Variants in ONECUT1 observed in about 807,000 individuals in gnomAD.
ONECUT1 encodes the protein one cut homeobox 1, also known as hepatocyte nuclear factor 6.
ONECUT1 carries 12 observed loss-of-function variants against 25.6 expected under a neutral mutation model. The observed-to-expected ratio is 0.47, with a 90% CI of 0.30 to 0.76. ONECUT1 has a LOEUF of 0.76. Ranked by LOEUF, ONECUT1 falls within the 30% of genes least tolerant of loss-of-function variation. ONECUT1 has a pLI of 0.07. For missense variants in ONECUT1, 620 were observed against 651.2 expected, an observed-to-expected ratio of 0.95 and a Z score of 0.52; for synonymous variants, 285 against 270.2, an observed-to-expected ratio of 1.05 and a Z score of -0.54.
At chr15:52,779,488 A>G (rs542643667) in intron 1 of ONECUT1, among the ~76,000 whole-genome samples, 5 of 152,322 alleles carry the variant, frequency 3.3e-5, no homozygotes, top group Admixed American at 1.3e-4. Flanking sequence ...ATTCGATGGG[A>G]TAAAGAAACC....
rs1038921696 is a variant in ONECUT1, at chr15:52,760,074, C to T, written c.1106-2227G>A. Among the ~76,000 whole-genome samples, 4 of 152,274 alleles carry T rather than the reference C, an allele frequency of 2.6e-5. No homozygotes were observed. In the East Asian group the frequency reaches 5.8e-4, roughly 22 times the overall value. ...TCAGAATGGACATGAAGGGAGGGCT[C>T]AGTCATGAAAGAGAGATTTGTAGGC... On this transcript the variant is annotated intron_variant, in intron 1 of 1. Coordinates refer to ENST00000305901, the MANE Select transcript of ONECUT1 (RefSeq NM_004498.4).
At position 52,757,497 on chromosome 15, in the gene ONECUT1, T is replaced by TA; in HGVS notation, c.*57dup. 1 of 1,536,486 alleles carries TA rather than the reference T, an allele frequency of 6.5e-7. No individual in the cohort carries two copies. The highest frequency in any genetic ancestry group is 1.3e-5 in the South Asian group (1 of 77,184). On this transcript the variant is annotated 3_prime_UTR_variant, in exon 2 of 2. Transcript: ENST00000305901. The stretch of plus-strand genomic sequence containing the variant: ...CTGCTATCTTGAGGTCCTGGTCTTT[T>TA]AAAAATTTTTTTTAATTTAAAGCTT...
rs1160739236 is a variant in ONECUT1, at chr15:52,784,168, G to C, written c.1105+4612C>G. On this transcript the variant is annotated intron_variant, in intron 1 of 1. Transcript: ENST00000305901. This position sits in a 1 kb window ranked among gnomAD's most constrained non-coding sequence, Gnocchi z 5.0. ...AATGGAGGGAAGCAGGGAGCGCGGAGGGCTCGAGGCTTGCAGATAAGGAGA... is the reference window on the plus strand; with the variant it reads ...AATGGAGGGAAGCAGGGAGCGCGGACGGCTCGAGGCTTGCAGATAAGGAGA... Among the ~76,000 whole-genome samples the C allele has an allele frequency of 1.3e-5, 2 of 152,202 alleles. No homozygotes were observed. The highest frequency in any genetic ancestry group is 2.9e-5 in the Non-Finnish European group (2 of 68,040).
chr15:52,785,257 T>C (rs911134632), intron 1 of ONECUT1, among the ~76,000 whole-genome samples: 2 of 152,248 alleles, frequency 1.3e-5, no homozygotes, highest in Admixed American at 6.5e-5. Flanking sequence ...AGGGGCCAGT[T>C]ATCAATCAAC....
chr15:52,757,153 G>A lies in ONECUT1; in HGVS notation c.*402C>T. ...AGCTCTGCCTAAGTCTGTAACCACT[G>A]GTGGTGGTAGTACTGAGACACCATA... On this transcript the variant is annotated 3_prime_UTR_variant, in exon 2 of 2. Coordinates refer to ENST00000305901, the MANE Select transcript of ONECUT1 (RefSeq NM_004498.4). 5.5e-6 allele frequency: 1 copy of A among 181,500 alleles called. No individual in the cohort carries two copies. The highest frequency in any genetic ancestry group is 1.2e-5 in the Non-Finnish European group (1 of 85,964). The allele number at this position is 181,500 out of a possible 1,614,324, so 11.2% of individuals were successfully genotyped here. A position where few individuals can be genotyped will look rare whatever the true frequency, so the allele number is the denominator to read the frequency against.
At chr15:52,769,048 C>A (rs577389880) in intron 1 of ONECUT1, among the ~76,000 whole-genome samples, 1 of 152,340 alleles carries the variant, frequency 6.6e-6, no homozygotes, top group Non-Finnish European at 1.5e-5. Flanking sequence ...ATCCCTACTA[C>A]TTTGCTCAAG....
At position 52,779,615 on chromosome 15, in the gene ONECUT1, C is replaced by G. The variant is rs141686254; in HGVS notation, c.1105+9165G>C. Among the ~76,000 whole-genome samples the G allele has an allele frequency of 2.0e-5, 3 of 152,176 alleles. No homozygotes were observed. In the East Asian group the frequency reaches 5.8e-4, roughly 29 times the overall value. ...CTTGTCCTTGGATCATTCCCCATAC[C>G]CACCAGGCAAATACTAGGTGCCTCC... On this transcript the variant is annotated intron_variant, in intron 1 of 1. Coordinates refer to ENST00000305901, the MANE Select transcript of ONECUT1 (RefSeq NM_004498.4).
chr15:52,780,968 C>G (rs2083837356), intron 1 of ONECUT1: 1 of 1,010,108 alleles, frequency 9.9e-7, no homozygotes, highest in Non-Finnish European at 1.2e-6. Context: ...AAGATGCCCT[C>G]TAGACAACTC....
At chr15:52,764,282 G>A (rs987096373) in intron 1 of ONECUT1, among the ~76,000 whole-genome samples, 4 of 152,214 alleles carry the variant, frequency 2.6e-5, no homozygotes, top group South Asian at 2.1e-4. Context: ...GCCCAGCTCC[G>A]TGGATATGCA....
chr15:52,783,717 G>C (rs2083855840), intron 1 of ONECUT1, among the ~76,000 whole-genome samples: 2 of 152,228 alleles, frequency 1.3e-5, no homozygotes, highest in South Asian at 4.1e-4. Context: ...TCCGACTTCG[G>C]ACCGCCAGGG....
At chr15:52,771,682 T>C (rs545064534) in intron 1 of ONECUT1, among the ~76,000 whole-genome samples, 1 of 152,250 alleles carries the variant, frequency 6.6e-6, no homozygotes, top group East Asian at 1.9e-4. Context: ...CCATAGGTTA[T>C]TGAGGTACAG....
chr15:52,783,728 T>A (rs975158898), intron 1 of ONECUT1, among the ~76,000 whole-genome samples: 2 of 152,146 alleles, frequency 1.3e-5, no homozygotes, highest in Admixed American at 1.3e-4. Flanking sequence ...ACCGCCAGGG[T>A]CACCTTCTCT....
intron 1 of ONECUT1, among the ~76,000 whole-genome samples, chr15:52,768,112 C>T (rs1428146983): frequency 1.3e-5 from 2 of 151,956 alleles, no homozygotes; most frequent in African/African-American, 4.8e-5. Context: ...ATGCATAAGA[C>T]CCAGTGTTAG....
Position 52,755,126 on chromosome 15 carries a change from A to G in ONECUT1, c.*2429T>C, listed in dbSNP as rs1361159929. ...AATTCTGCTATTCTTTTCTTGGGGT[A>G]TTGAATTTGGTAAGATTGTGTGTAG... On this transcript the variant is annotated 3_prime_UTR_variant, in exon 2 of 2. Coordinates refer to ENST00000305901, the MANE Select transcript of ONECUT1 (RefSeq NM_004498.4). Among the ~76,000 whole-genome samples, 3 of 151,528 alleles carry G rather than the reference A, an allele frequency of 2.0e-5. No homozygotes were observed. Among genetic ancestry groups the G allele is most frequent in the Non-Finnish European group, 4.4e-5 (3 of 67,924 alleles).
rs1016472590 is a variant in ONECUT1, at chr15:52,789,815, G to A, written c.70C>T (p.Pro24Ser). The A allele has an allele frequency of 4.6e-6, 7 of 1,522,876 alleles. No individual in the cohort carries two copies. Among genetic ancestry groups the A allele is most frequent in the Admixed American group, 2.1e-5 (1 of 48,002 alleles). 94.3% of individuals were successfully genotyped at this position (1,522,876 alleles called of 1,614,324 possible). ...HGVSHEPVPAPADLLGGSPHA... is the reference protein window; with the variant it reads ...HGVSHEPVPASADLLGGSPHA... The stretch of plus-strand genomic sequence containing the variant: ...GGGCTGCCGCCCAGCAGGTCGGCAG[G>A]GGCGGGCACCGGCTCATGGCTCACC... The change falls in exon 1 of 2, where the codon CCT (proline) becomes TCT (serine). Residue 24 changes from proline to serine, a missense_variant. Pro to Ser is a moderately conservative substitution (Grantham distance 74). Coordinates refer to ENST00000305901, the MANE Select transcript of ONECUT1 (RefSeq NM_004498.4). The surrounding 1 kb of genome is among the most constrained non-coding windows in gnomAD (Gnocchi z 4.1).
At chr15:52,777,531 C>G (rs1263809289) in intron 1 of ONECUT1, among the ~76,000 whole-genome samples, 2 of 152,124 alleles carry the variant, frequency 1.3e-5, no homozygotes, top group Admixed American at 6.6e-5. Context: ...CATAGTAATT[C>G]TGATCTAAGA....
At chr15:52,767,738 G>A (rs1385930544) in intron 1 of ONECUT1, among the ~76,000 whole-genome samples, 1 of 152,182 alleles carries the variant, frequency 6.6e-6, no homozygotes, top group East Asian at 1.9e-4. Context: ...TATCTGCACT[G>A]CCATGTTCAT....
At chr15:52,777,128 AC>A (rs1324344481) in intron 1 of ONECUT1, among the ~76,000 whole-genome samples, 1 of 152,212 alleles carries the variant, frequency 6.6e-6, no homozygotes, top group Non-Finnish European at 1.5e-5. Context: ...TTTTGAGTGA[AC>A]TTTTGATTTC....
At position 52,789,943 on chromosome 15, in the gene ONECUT1, A is replaced by G; in HGVS notation, c.-59T>C. 3 of 1,467,860 alleles carry G rather than the reference A, an allele frequency of 2.0e-6. No homozygotes were observed. Among genetic ancestry groups the G allele is most frequent in the Non-Finnish European group, 1.8e-6 (2 of 1,118,486 alleles). 90.9% of individuals were successfully genotyped at this position (1,467,860 alleles called of 1,614,324 possible). A position where few individuals can be genotyped will look rare whatever the true frequency, so the allele number is the denominator to read the frequency against. On this transcript the variant is annotated 5_prime_UTR_variant, in exon 1 of 2. Transcript: ENST00000305901. This position sits in a 1 kb window ranked among gnomAD's most constrained non-coding sequence, Gnocchi z 4.1. Reference sequence around the variant, plus strand: ...TCGATGTGGCCAGGCAGAGGCGGCGAGGGGCGCACGGAGTCCGGTCTTCAC... The same window carrying G: ...TCGATGTGGCCAGGCAGAGGCGGCGGGGGGCGCACGGAGTCCGGTCTTCAC...
Sources: gnomAD v4.1 joint callset for allele counts (sites outside exome capture counted in the v4.1 genomes callset) on GRCh38, gnomAD v4.1.1 for gene constraint, Gnocchi (gnomAD v3.1) non-coding constraint, MANE v1.5 for transcripts, NCBI Gene and HGNC (gene_info 2026-07-23, HGNC 2026-07-21) for gene names.